ACO1: variants seen among roughly 807,000 people sequenced by gnomAD.
ACO1 encodes the protein aconitase 1, also known as cytoplasmic aconitate hydratase.
ACO1 carries 78 observed loss-of-function variants against 105.1 expected under a neutral mutation model. That is an observed-to-expected ratio of 0.74 (90% CI 0.62 to 0.90). The LOEUF (loss-of-function observed/expected upper bound fraction) is 0.90, where lower values mean the gene tolerates loss of function less well. Among genes scored for constraint, ACO1 ranks in the 40% least tolerant of loss-of-function variants. The pLI is 0.00. For missense variants in ACO1, 965 were observed against 1,111.1 expected (o/e 0.87, Z 1.87); for synonymous variants, 364 against 397.4 (o/e 0.92, Z 1.00).
rs1359092342 is a variant in ACO1 at position 32,394,778 on chromosome 9, T to G, written c.-23+10043T>G. ...CATCAGGTCCTCCTGACAGTTGCCT[T>G]TCTTAGGTAAAATCAGTAAATATAT... On this transcript the variant is annotated intron_variant, in intron 1 of 20. Coordinates refer to ENST00000309951, the MANE Select transcript of ACO1 (RefSeq NM_002197.3). Among the ~76,000 whole-genome samples, 3 of 152,342 alleles carry G rather than the reference T, an allele frequency of 2.0e-5. No homozygotes were observed. The East Asian group carries it at 5.8e-4, about 29-fold the overall frequency.
At position 32,392,866 on chromosome 9, in the gene ACO1, C is replaced by G. The variant is rs149082879; in HGVS notation, c.-23+8131C>G. On this transcript the variant is annotated intron_variant, in intron 1 of 20. Coordinates refer to ENST00000309951, the MANE Select transcript of ACO1 (RefSeq NM_002197.3). ...TTATAATTTCTTATGCCTGTCTCTA[C>G]TGCAATCTCTGAACATAAATTGTGA... 2.7e-3 allele frequency among the ~76,000 whole-genome samples: 415 copies of G among 152,368 alleles called. 3 individuals are homozygous for G. The highest frequency in any genetic ancestry group is 7.3e-4 in the Non-Finnish European group (50 of 68,036).
At chr9:32,424,506 G>T in intron 9 of ACO1, 43 bp from the exon 10 acceptor site, 2 of 1,354,870 alleles carry the variant, frequency 1.5e-6, no homozygotes, top group South Asian at 2.5e-5. Flanking sequence ...CTCTTTGTGG[G>T]TATAATGTAA....
At chr9:32,395,803 G>A (rs988716984) in intron 1 of ACO1, among the ~76,000 whole-genome samples, 1 of 152,192 alleles carries the variant, frequency 6.6e-6, no homozygotes, top group African/African-American at 2.4e-5. Context: ...ACGAAACTCT[G>A]GTTATATTGG....
intron 19 of ACO1, among the ~76,000 whole-genome samples, chr9:32,444,594 CAT>C (rs1173798187): frequency 6.6e-6 from 1 of 151,854 alleles, no homozygotes; most frequent in African/African-American, 2.4e-5. Flanking sequence ...AGCATTTTTT[CAT>C]ATGTTTGTTG....
intron 4 of ACO1, among the ~76,000 whole-genome samples, chr9:32,410,428 TG>T (rs542787238): frequency 1.5e-3 from 229 of 151,982 alleles, no homozygotes; most frequent in African/African-American, 5.4e-3. Flanking sequence ...GGTGTGGTGG[TG>T]GGCACCTGTA....
chr9:32,413,624 T>C (rs181720417), intron 4 of ACO1, among the ~76,000 whole-genome samples: 299 of 152,306 alleles, frequency 2.0e-3, no homozygotes, highest in Middle Eastern at 3.4e-3. Context: ...GTCTCAACTC[T>C]GTGAAACTGT....
At chr9:32,410,859 G>A (rs573860703) in intron 4 of ACO1, among the ~76,000 whole-genome samples, 1 of 152,322 alleles carries the variant, frequency 6.6e-6, no homozygotes, top group South Asian at 2.1e-4. Flanking sequence ...AGCTGACCTA[G>A]GTGAGCACAG....
At chr9:32,393,457 A>T (rs1357387223) in intron 1 of ACO1, among the ~76,000 whole-genome samples, 1 of 152,180 alleles carries the variant, frequency 6.6e-6, no homozygotes, top group Non-Finnish European at 1.5e-5. Flanking sequence ...ATAAGATGTT[A>T]TCAGTGACAA....
intron 7 of ACO1, 57 bp downstream of exon 7, chr9:32,419,234 T>G (rs956100758): frequency 7.5e-6 from 11 of 1,476,308 alleles, no homozygotes; most frequent in Non-Finnish European, 1.0e-5. Flanking sequence ...AGCTTTCCAA[T>G]GGAGGGAATA....
chr9:32,442,272 C>G (rs1822497798), intron 19 of ACO1, among the ~76,000 whole-genome samples: 1 of 151,954 alleles, frequency 6.6e-6, no homozygotes, highest in African/African-American at 2.4e-5. Context: ...GAATCACTAG[C>G]CCCCTCCCAC....
intron 15 of ACO1, among the ~76,000 whole-genome samples, chr9:32,432,208 G>C (rs1216061500): frequency 6.6e-6 from 1 of 152,048 alleles, no homozygotes; most frequent in African/African-American, 2.4e-5. Flanking sequence ...TCCATTGGTC[G>C]AATGCACCTC....
chr9:32,386,543 A>G (rs1400031492), intron 1 of ACO1: 2 of 151,896 alleles, frequency 1.3e-5, no homozygotes, highest in Non-Finnish European at 2.9e-5. Context: ...AAATTTTCTA[A>G]CTCCATCCTC....
Position 32,389,253 on chromosome 9 carries a change from C to T in ACO1, c.-23+4518C>T, listed in dbSNP as rs1468957601. 3.3e-5 allele frequency among the ~76,000 whole-genome samples: 5 copies of T among 152,172 alleles called. No homozygotes were observed. The East Asian group carries it at 5.8e-4, about 18-fold the overall frequency. On this transcript the variant is annotated intron_variant, in intron 1 of 20. Transcript: ENST00000309951. ...TGTGCCCCTGCATGTACAAAGGCAG[C>T]GGATATGCCAAAACATTGAGTGCTT...
intron 12 of ACO1, among the ~76,000 whole-genome samples, chr9:32,428,736 TG>T (rs1448478339): frequency 2.6e-5 from 4 of 151,532 alleles, no homozygotes; most frequent in Non-Finnish European, 5.9e-5. Flanking sequence ...CCCAGCTACT[TG>T]GGGGGCTGAG....
chr9:32,397,368 G>C (rs1353070935), intron 1 of ACO1, among the ~76,000 whole-genome samples: 1 of 152,164 alleles, frequency 6.6e-6, no homozygotes, highest in African/African-American at 2.4e-5. Context: ...GAATTGAAGA[G>C]ATGACCTGGT....
chr9:32,415,767 T>TA (rs2118447387), intron 4 of ACO1, among the ~76,000 whole-genome samples: 1 of 152,210 alleles, frequency 6.6e-6, no homozygotes, highest in Non-Finnish European at 1.5e-5. Flanking sequence ...CACACACAAA[T>TA]AGACACTCAT....
At chr9:32,393,274 A>T (rs1016793813) in intron 1 of ACO1, among the ~76,000 whole-genome samples, 7 of 152,112 alleles carry the variant, frequency 4.6e-5, no homozygotes, top group Non-Finnish European at 1.0e-4. Context: ...TGCGTCCCTG[A>T]GGGTAGGCCT....
intron 13 of ACO1, 84 bp from the exon 14 acceptor site, chr9:32,430,334 A>T (rs1022987098): frequency 8.0e-6 from 11 of 1,382,664 alleles, no homozygotes; most frequent in Non-Finnish European, 1.1e-5. Flanking sequence ...TATCCTTGCG[A>T]TGTGGAAACT....
intron 4 of ACO1, 36 bp from the exon 5 acceptor site, chr9:32,418,092 C>A: frequency 6.3e-7 from 1 of 1,596,540 alleles, no homozygotes; most frequent in South Asian, 1.1e-5. Flanking sequence ...TATGTTAAGT[C>A]TCAAATTGTA....
Sources: gnomAD v4.1 joint callset for allele counts (sites outside exome capture counted in the v4.1 genomes callset) on GRCh38, gnomAD v4.1.1 for gene constraint, MANE v1.5 for transcripts, NCBI Gene and HGNC (gene_info 2026-07-23, HGNC 2026-07-21) for gene names.